Variants in AP2B1 observed in about 807,000 individuals in gnomAD.
AP2B1 encodes the protein adaptor related protein complex 2 subunit beta 1.
Under a neutral mutation model 102.0 loss-of-function variants are expected in AP2B1, and 23 were observed. The ratio of observed to expected loss-of-function variants is 0.23; its 90% CI spans 0.16 to 0.32. The LOEUF (loss-of-function observed/expected upper bound fraction) is 0.32. AP2B1 is among the 10% of genes least tolerant of loss of function. The probability of loss-of-function intolerance (pLI) is 1.00; values close to 1 mark genes in which losing one functional copy is unlikely to be tolerated. For missense variants in AP2B1, 541 were observed against 1,157.4 expected, an observed-to-expected ratio of 0.47 and a Z score of 7.73; for synonymous variants, 381 against 421.2, an observed-to-expected ratio of 0.90 and a Z score of 1.17.
At chr17:35,706,776 G>A (rs937902400) in intron 18 of AP2B1, among the ~76,000 whole-genome samples, 13 of 151,932 alleles carry the variant, frequency 8.6e-5, no homozygotes, top group Non-Finnish European at 1.5e-4. Flanking sequence ...AAGTAGCTGG[G>A]ATTACAGGTG....
At chr17:35,607,185 G>T (rs561004243) in intron 4 of AP2B1, among the ~76,000 whole-genome samples, 2 of 152,050 alleles carry the variant, frequency 1.3e-5, no homozygotes, top group African/African-American at 2.4e-5. Context: ...GATTACAGGC[G>T]TGAGCCACCA....
rs1324333805 is a variant in AP2B1, at chr17:35,720,573, A to ATATATAT, written c.2782-3051_2782-3050insATATATT. Among the ~76,000 whole-genome samples, 10 of 28,062 alleles carry ATATATAT rather than the reference A, an allele frequency of 3.6e-4. No homozygotes were observed. In the East Asian group the frequency reaches 6.2e-3, roughly 17 times the overall value. 18.4% of individuals were successfully genotyped at this position (28,062 alleles called of 152,430 possible). ...TATATATATATATATATATATATAT[A>ATATATAT]TTTTTTTTTTTTTTTTTTTTTTTTT... On this transcript the variant is annotated intron_variant, in intron 21 of 21. Coordinates refer to ENST00000610402, the MANE Select transcript of AP2B1 (RefSeq NM_001030006.2).
At chr17:35,695,297 T>G (rs2076120099) in intron 18 of AP2B1, among the ~76,000 whole-genome samples, 1 of 152,174 alleles carries the variant, frequency 6.6e-6, no homozygotes, top group South Asian at 2.1e-4. Flanking sequence ...ATACATTTGC[T>G]GTAAGTTCTG....
chr17:35,683,121 G>A (rs746683959), intron 18 of AP2B1, among the ~76,000 whole-genome samples: 1 of 151,830 alleles, frequency 6.6e-6, no homozygotes, highest in Non-Finnish European at 1.5e-5. Flanking sequence ...CGAGTAATCT[G>A]CCCACATGGA....
At chr17:35,611,376 A>G (rs1022503395) in intron 5 of AP2B1, among the ~76,000 whole-genome samples, 4 of 152,210 alleles carry the variant, frequency 2.6e-5, no homozygotes, top group African/African-American at 9.6e-5. Flanking sequence ...TTGAGGCAGC[A>G]TCTCTATGCT....
chr17:35,618,041 A>G (rs773493481), intron 5 of AP2B1, among the ~76,000 whole-genome samples: 26 of 152,196 alleles, frequency 1.7e-4, no homozygotes, highest in Admixed American at 6.5e-5. Flanking sequence ...CTCACTAGGT[A>G]GTTTTACCTC....
chr17:35,632,976 T>C (rs1264334904), intron 9 of AP2B1, among the ~76,000 whole-genome samples: 1 of 152,046 alleles, frequency 6.6e-6, no homozygotes, highest in Non-Finnish European at 1.5e-5. Context: ...CCAACTGTTT[T>C]GCTGTTGCAA....
intron 12 of AP2B1, among the ~76,000 whole-genome samples, chr17:35,646,703 C>T (rs2074943887): frequency 6.6e-6 from 1 of 151,766 alleles, no homozygotes; most frequent in Non-Finnish European, 1.5e-5. Flanking sequence ...ATTCTCCCTC[C>T]TTAGCCTCCC....
intron 3 of AP2B1, among the ~76,000 whole-genome samples, chr17:35,603,849 C>T (rs1250813003): frequency 6.6e-6 from 1 of 152,170 alleles, no homozygotes. Context: ...GATGATTCAC[C>T]AGCAGCTCTA....
intron 14 of AP2B1, chr17:35,660,049 G>A: frequency 1.0e-6 from 1 of 985,280 alleles, no homozygotes; most frequent in Non-Finnish European, 1.2e-6. Flanking sequence ...AATCCTCAAA[G>A]CCATTTTTTG....
chr17:35,674,113 A>G (rs2075648697), intron 16 of AP2B1, 63 bp from the exon 17 acceptor site: 3 of 1,497,306 alleles, frequency 2.0e-6, no homozygotes, highest in Non-Finnish European at 2.7e-6. Flanking sequence ...TTTATTTGTT[A>G]AAAAATGCAT....
chr17:35,605,455 G>T (rs775556233), intron 3 of AP2B1, among the ~76,000 whole-genome samples: 3 of 151,998 alleles, frequency 2.0e-5, no homozygotes, highest in African/African-American at 7.2e-5. Flanking sequence ...TCTCCATGTT[G>T]GTCAGGCTAG....
At chr17:35,653,127 C>A (rs550033013) in intron 13 of AP2B1, among the ~76,000 whole-genome samples, 9 of 152,094 alleles carry the variant, frequency 5.9e-5, no homozygotes, top group Non-Finnish European at 1.3e-4. Context: ...TTCTGTGTTT[C>A]TCTACATATT....
At chr17:35,648,243 C>T (rs760615801) in intron 12 of AP2B1, among the ~76,000 whole-genome samples, 1 of 152,086 alleles carries the variant, frequency 6.6e-6, no homozygotes, top group Non-Finnish European at 1.5e-5. Flanking sequence ...AGGCCAGACA[C>T]GGTGGCTTAT....
intron 5 of AP2B1, among the ~76,000 whole-genome samples, chr17:35,623,924 A>G (rs1050930109): frequency 1.3e-5 from 2 of 152,344 alleles, no homozygotes; most frequent in Admixed American, 1.3e-4. Context: ...TCTCAGGCCC[A>G]CATATTCTCA....
At chr17:35,703,264 C>CA (rs57503007) in intron 18 of AP2B1, among the ~76,000 whole-genome samples, 85,213 of 101,790 alleles carry the variant, frequency 0.84, 35,576 homozygotes, top group East Asian at 0.95. Context: ...GACTCCATCT[C>CA]AAAAAAAAAA....
At chr17:35,664,492 A>C (rs559614139) in intron 14 of AP2B1, among the ~76,000 whole-genome samples, 19 of 152,288 alleles carry the variant, frequency 1.2e-4, no homozygotes, top group African/African-American at 3.4e-4. Context: ...ATTGTGCTCT[A>C]AGTAAACAAT....
chr17:35,686,412 A>G (rs1375762145), intron 18 of AP2B1, among the ~76,000 whole-genome samples: 1 of 152,186 alleles, frequency 6.6e-6, no homozygotes, highest in South Asian at 2.1e-4. Context: ...GCTTAGAAAC[A>G]TTTTCCCAGT....
At chr17:35,596,358 T>G (rs761009648) in intron 2 of AP2B1, among the ~76,000 whole-genome samples, 1 of 152,228 alleles carries the variant, frequency 6.6e-6, no homozygotes, top group Non-Finnish European at 1.5e-5. Context: ...ATGCTACTTT[T>G]GTAGCTGTTG....
Sources: allele counts gnomAD v4.1 joint callset (sites outside exome capture counted in the v4.1 genomes callset), GRCh38; gene constraint gnomAD v4.1.1; transcripts MANE v1.5; gene names NCBI Gene and HGNC (gene_info 2026-07-23, HGNC 2026-07-21).